Variants in COL28A1 observed in about 807,000 individuals in gnomAD.
COL28A1 encodes the protein collagen type XXVIII alpha 1 chain.
A neutral mutation model predicts 150.2 loss-of-function variants in COL28A1; 161 were observed. That is an observed-to-expected ratio of 1.07 (90% CI 0.94 to 1.22). The LOEUF (loss-of-function observed/expected upper bound fraction) is 1.22, where lower values mean the gene tolerates loss of function less well. Among genes scored for constraint, COL28A1 ranks in the 50% most tolerant of loss-of-function variants. The pLI is 0.00. For missense variants in COL28A1, 1,617 were observed against 1,388.3 expected (o/e 1.16, Z -2.62); for synonymous variants, 552 against 469.7 (o/e 1.18, Z -2.26).
chr7:7,524,199 T>A (rs372974421), intron 4 of COL28A1, 30 bp downstream of exon 4: 8 of 1,080,480 alleles, frequency 7.4e-6, no homozygotes, highest in Admixed American at 1.7e-5. Flanking sequence ...TTTGGAGTAA[T>A]TCGTAGTAAT....
chr7:7,388,996 T>G (rs1003755399), intron 27 of COL28A1, among the ~76,000 whole-genome samples: 27 of 152,198 alleles, frequency 1.8e-4, no homozygotes, highest in East Asian at 7.7e-4. Context: ...AGCTCTTTAG[T>G]TTATTAGATC....
At chr7:7,457,977 G>A (rs1443213097) in intron 15 of COL28A1, among the ~76,000 whole-genome samples, 1 of 152,182 alleles carries the variant, frequency 6.6e-6, no homozygotes, top group Non-Finnish European at 1.5e-5. Context: ...ATTGATCAAT[G>A]CTGCTTTGGT....
intron 16 of COL28A1, among the ~76,000 whole-genome samples, chr7:7,454,341 A>G (rs1411961914): frequency 6.6e-6 from 1 of 152,218 alleles, no homozygotes; most frequent in East Asian, 1.9e-4. Context: ...AGAACATTGA[A>G]TAACTGCATA....
intron 9 of COL28A1, among the ~76,000 whole-genome samples, chr7:7,507,558 G>T (rs1780880024): frequency 6.6e-6 from 1 of 152,014 alleles, no homozygotes; most frequent in Non-Finnish European, 1.5e-5. Context: ...TCACTCTTTT[G>T]CTCATCTTCA....
intron 27 of COL28A1, among the ~76,000 whole-genome samples, chr7:7,391,532 T>C (rs1167736322): frequency 6.6e-6 from 1 of 152,176 alleles, no homozygotes; most frequent in African/African-American, 2.4e-5. Flanking sequence ...AAAATATCCT[T>C]GTTAATTTTC....
At chr7:7,391,766 GTC>G (rs1275738968) in intron 27 of COL28A1, among the ~76,000 whole-genome samples, 4 of 145,978 alleles carry the variant, frequency 2.7e-5, no homozygotes, top group South Asian at 4.3e-4. Context: ...TTGATTTAAA[GTC>G]TGTTTTATCA....
intron 15 of COL28A1, among the ~76,000 whole-genome samples, chr7:7,465,615 G>A (rs1206990576): frequency 7.7e-6 from 1 of 130,362 alleles, no homozygotes; most frequent in Non-Finnish European, 1.6e-5. Flanking sequence ...AGCTCAAGGA[G>A]GCCTGCCTGC....
intron 22 of COL28A1, among the ~76,000 whole-genome samples, chr7:7,436,707 C>A (rs1785370596): frequency 6.6e-6 from 1 of 152,168 alleles, no homozygotes; most frequent in East Asian, 1.9e-4. Flanking sequence ...AATTCAGACT[C>A]AAATATTTCG....
chr7:7,531,200 T>G, intron 3 of COL28A1, 148 bp downstream of exon 3: 1 of 472,032 alleles, frequency 2.1e-6, no homozygotes, highest in South Asian at 5.0e-5. Context: ...GAAAGTGGAG[T>G]GACACTTCAG....
At chr7:7,461,690 C>G (rs1278178961) in intron 15 of COL28A1, among the ~76,000 whole-genome samples, 2 of 152,134 alleles carry the variant, frequency 1.3e-5, no homozygotes, top group African/African-American at 4.8e-5. Flanking sequence ...TTCCATTGAT[C>G]TGGGAACCTC....
chr7:7,487,222 G>A (rs1043478127), intron 13 of COL28A1, among the ~76,000 whole-genome samples: 1 of 152,096 alleles, frequency 6.6e-6, no homozygotes, highest in African/African-American at 2.4e-5. Context: ...GCTGAGTTTG[G>A]AAGGTATAAA....
chr7:7,508,852 G>C (rs1780968735), intron 9 of COL28A1, among the ~76,000 whole-genome samples: 1 of 151,932 alleles, frequency 6.6e-6, no homozygotes, highest in Non-Finnish European at 1.5e-5. Context: ...TTTTGTTTTT[G>C]AGATGGAGTC....
chr7:7,355,021 C>T (rs562294811), downstream of COL28A1, among the ~76,000 whole-genome samples: 4 of 151,402 alleles, frequency 2.6e-5, no homozygotes, highest in Non-Finnish European at 5.9e-5. Flanking sequence ...ACAGGCTGAG[C>T]GGAATAAAGA....
intron 15 of COL28A1, among the ~76,000 whole-genome samples, chr7:7,465,248 C>T (rs61037288): frequency 0.18 from 24,102 of 134,514 alleles, 2,123 homozygotes; most frequent in Middle Eastern, 0.28. Flanking sequence ...AGTGTGTGTG[C>T]GCACCGTGCG....
intron 11 of COL28A1, among the ~76,000 whole-genome samples, chr7:7,498,256 G>C (rs1182923595): frequency 6.6e-6 from 1 of 152,082 alleles, no homozygotes; most frequent in Non-Finnish European, 1.5e-5. Context: ...GGAAGGACCA[G>C]TCAGCAGCCC....
intron 25 of COL28A1, among the ~76,000 whole-genome samples, chr7:7,429,471 T>G (rs1431468463): frequency 4.6e-4 from 56 of 120,568 alleles, no homozygotes; most frequent in Middle Eastern, 4.4e-3. Flanking sequence ...TGTGTGTGTG[T>G]GTGGGGGGGG....
intron 3 of COL28A1, among the ~76,000 whole-genome samples, chr7:7,528,439 A>T (rs1409255710): frequency 6.6e-6 from 1 of 152,176 alleles, no homozygotes; most frequent in Non-Finnish European, 1.5e-5. Context: ...GGGTTCTTAC[A>T]TGATAATTCC....
intron 22 of COL28A1, among the ~76,000 whole-genome samples, chr7:7,436,682 G>A (rs1785368847): frequency 6.6e-6 from 1 of 152,220 alleles, no homozygotes; most frequent in African/African-American, 2.4e-5. Flanking sequence ...AAAGTCCATT[G>A]AAATAATATG....
At chr7:7,497,075 A>G (rs1322407057) in intron 11 of COL28A1, among the ~76,000 whole-genome samples, 1 of 137,282 alleles carries the variant, frequency 7.3e-6, no homozygotes, top group Admixed American at 7.7e-5. Context: ...GGAAGAAAGG[A>G]AGGAAGAAAG....
Sources: gnomAD v4.1 joint callset for allele counts (sites outside exome capture counted in the v4.1 genomes callset) on GRCh38, gnomAD v4.1.1 for gene constraint, MANE v1.5 for transcripts, NCBI Gene and HGNC (gene_info 2026-07-23, HGNC 2026-07-21) for gene names.